Variants in TGFBR3 observed in about 807,000 individuals in gnomAD.
TGFBR3 encodes transforming growth factor beta receptor 3.
TGFBR3 carries 46 observed loss-of-function variants against 87.9 expected under a neutral mutation model. The observed-to-expected ratio is 0.52, with a 90% CI of 0.41 to 0.67. The LOEUF is 0.67. Among genes scored for constraint, TGFBR3 ranks in the 30% least tolerant of loss-of-function variants. The pLI is 0.00. For synonymous variants in TGFBR3, 381 were observed against 391.6 expected (o/e 0.97, Z 0.32); for missense variants, 866 against 1,041.9 (o/e 0.83, Z 2.32).
At chr1:91,797,186 T>A in intron 3 of TGFBR3, 101 bp downstream of exon 3, 1 of 1,265,994 alleles carries the variant, frequency 7.9e-7, no homozygotes, top group Non-Finnish European at 1.2e-6. Context: ...ATACATGAGC[T>A]TCTTTTGTTG....
At chr1:91,774,192 CA>C (rs1288135568) in intron 3 of TGFBR3, among the ~76,000 whole-genome samples, 2 of 151,740 alleles carry the variant, frequency 1.3e-5, no homozygotes, top group Non-Finnish European at 2.9e-5. Flanking sequence ...GGCTGGAATG[CA>C]GTGGCACGAT....
At chr1:91,840,320 A>C (rs1677221754) in intron 2 of TGFBR3, among the ~76,000 whole-genome samples, 1 of 140,738 alleles carries the variant, frequency 7.1e-6, no homozygotes, top group Non-Finnish European at 1.6e-5. Context: ...AGACTCTGTC[A>C]AAAAAAAAAA....
intron 1 of TGFBR3, among the ~76,000 whole-genome samples, chr1:91,876,561 T>C (rs1321604687): frequency 6.6e-6 from 1 of 151,918 alleles, no homozygotes; most frequent in Admixed American, 6.6e-5. Flanking sequence ...CAAAGCATGG[T>C]AAAAAAATTC....
intron 6 of TGFBR3, among the ~76,000 whole-genome samples, chr1:91,728,707 T>C (rs997818809): frequency 6.6e-6 from 1 of 152,076 alleles, no homozygotes; most frequent in African/African-American, 2.4e-5. Flanking sequence ...GTGGCCAGAG[T>C]GGAATCTTAT....
At chr1:91,864,470 G>C (rs1678310424) in intron 1 of TGFBR3, among the ~76,000 whole-genome samples, 1 of 152,260 alleles carries the variant, frequency 6.6e-6, no homozygotes, top group Non-Finnish European at 1.5e-5. Flanking sequence ...TCCTGGACAA[G>C]TTGAAACTAC....
chr1:91,792,227 G>A (rs1675221041), intron 3 of TGFBR3, among the ~76,000 whole-genome samples: 1 of 152,092 alleles, frequency 6.6e-6, no homozygotes, highest in Admixed American at 6.5e-5. Flanking sequence ...TCCTCATTCT[G>A]TATTTCTGCT....
At chr1:91,844,733 G>A (rs936194899) in intron 2 of TGFBR3, among the ~76,000 whole-genome samples, 1 of 151,974 alleles carries the variant, frequency 6.6e-6, no homozygotes, top group African/African-American at 2.4e-5. Context: ...AACCTAACTG[G>A]GATATACAAG....
chr1:91,786,847 C>A (rs1292420390), intron 3 of TGFBR3, among the ~76,000 whole-genome samples: 1 of 152,068 alleles, frequency 6.6e-6, no homozygotes, highest in East Asian at 1.9e-4. Flanking sequence ...GTCAGGGAAG[C>A]CAGATTGAAA....
chr1:91,719,981 T>G lies in TGFBR3; in HGVS notation c.1325A>C (p.Glu442Ala). Reference sequence around the variant, plus strand: ...AATATCCACGCTCCCTTGCACCTCTTCTGGCTCTCTGAGACCAGGAAACAG... The same window carrying G: ...AATATCCACGCTCCCTTGCACCTCTGCTGGCTCTCTGAGACCAGGAAACAG... ...IQLFPGLREP[E>A]EVQGSVDIAL... The change falls in exon 9 of 17, where the codon GAA (glutamate) becomes GCA (alanine). Residue 442 changes from glutamate to alanine, a missense_variant. Transcript: ENST00000212355. The G allele has an allele frequency of 6.2e-7, 1 of 1,614,206 alleles. No homozygotes were observed. Among genetic ancestry groups the G allele is most frequent in the Non-Finnish European group, 8.5e-7 (1 of 1,180,030 alleles).
intron 4 of TGFBR3, among the ~76,000 whole-genome samples, chr1:91,746,573 T>C (rs959185030): frequency 2.6e-5 from 4 of 152,208 alleles, no homozygotes; most frequent in African/African-American, 4.8e-5. Context: ...TCTAATTTTG[T>C]CCTCCAAATG....
Position 91,758,657 on chromosome 1 carries a change from G to C in TGFBR3, c.340C>G (p.Leu114Val), listed in dbSNP as rs1214623170. Residue 114 changes from leucine to valine, a missense_variant, in exon 4 of 17, where the codon CTG becomes GTG. Transcript: ENST00000212355. ...LNSPHPLVWH[L>V]KTERLATGVS... ...CCAGTGGCAAGTCTCTCTGTCTTCA[G>C]ATGCCACACCAGGGGGTGTGGGGAG... is the stretch of plus-strand genomic sequence containing the variant. The C allele has an allele frequency of 2.5e-6, 4 of 1,613,944 alleles. No individual in the cohort carries two copies. The highest frequency in any genetic ancestry group is 2.2e-5 in the East Asian group (1 of 44,878).
chr1:91,803,961 G>A (rs1273411872), intron 2 of TGFBR3, among the ~76,000 whole-genome samples: 5 of 152,240 alleles, frequency 3.3e-5, no homozygotes, highest in Admixed American at 1.3e-4. Context: ...CAAACACCAC[G>A]AAAGAACAGA....
chr1:91,742,115 C>A (rs1490489937), intron 4 of TGFBR3, among the ~76,000 whole-genome samples: 1 of 152,138 alleles, frequency 6.6e-6, no homozygotes, highest in Non-Finnish European at 1.5e-5. Context: ...CATGGCAAAC[C>A]GTTCTGTGTC....
intron 2 of TGFBR3, among the ~76,000 whole-genome samples, chr1:91,891,287 C>T (rs1305143562): frequency 6.6e-6 from 1 of 151,392 alleles, no homozygotes; most frequent in Non-Finnish European, 1.5e-5. Flanking sequence ...CACTTGAGCC[C>T]AGGATTTCGA....
At chr1:91,698,028 C>G in intron 15 of TGFBR3, 61 bp downstream of exon 15, 1 of 1,519,378 alleles carries the variant, frequency 6.6e-7, no homozygotes. Context: ...TGTTCACTAA[C>G]CAACTCATTC....
At chr1:91,846,172 C>T (rs1046984386) in intron 2 of TGFBR3, among the ~76,000 whole-genome samples, 5 of 152,196 alleles carry the variant, frequency 3.3e-5, no homozygotes, top group South Asian at 2.1e-4. Context: ...AATTCCAAAA[C>T]GCAATTGAGC....
chr1:91,703,152 G>C (rs972685201), intron 14 of TGFBR3, among the ~76,000 whole-genome samples: 8 of 152,072 alleles, frequency 5.3e-5, no homozygotes, highest in African/African-American at 1.4e-4. Context: ...TGTCAATTAA[G>C]CATTTCTACC....
intron 14 of TGFBR3, among the ~76,000 whole-genome samples, chr1:91,704,935 C>CAGCTGT (rs1199441749): frequency 3.3e-5 from 5 of 152,206 alleles, no homozygotes; most frequent in Admixed American, 6.5e-5. Context: ...GCTCTCTGCC[C>CAGCTGT]AGCTGTGAAG....
chr1:91,727,589 A>C, intron 7 of TGFBR3, 70 bp downstream of exon 7: 1 of 1,593,518 alleles, frequency 6.3e-7, no homozygotes, highest in Non-Finnish European at 8.6e-7. Flanking sequence ...TAAAAATAAC[A>C]CTTATAAAGT....
Sources: allele counts gnomAD v4.1 joint callset (sites outside exome capture counted in the v4.1 genomes callset), GRCh38; gene constraint gnomAD v4.1.1; transcripts MANE v1.5; gene names NCBI Gene and HGNC (gene_info 2026-07-23, HGNC 2026-07-21).